Variants in MBOAT1 observed in about 807,000 individuals in gnomAD.
The protein encoded by MBOAT1 is membrane-bound glycerophospholipid O-acyltransferase 1.
In MBOAT1, 67 loss-of-function variants were observed where a neutral mutation model predicts 64.4. The ratio of observed to expected loss-of-function variants is 1.04; its 90% CI spans 0.85 to 1.27. The LOEUF (loss-of-function observed/expected upper bound fraction) is 1.27, where lower values mean the gene tolerates loss of function less well. Ranked by LOEUF, MBOAT1 falls within the 50% of genes most tolerant of loss-of-function variation. MBOAT1 has a pLI of 0.00. For missense variants in MBOAT1, 563 were observed against 604.6 expected (o/e 0.93, Z 0.72); for synonymous variants, 229 against 218.9 (o/e 1.05, Z -0.41).
Position 20,144,448 on chromosome 6 carries a change from A to G in MBOAT1, c.324-133T>C, listed in dbSNP as rs573367796. ...GTCCTATCTGGTCTGACGACATCCC[A>G]GGCCACCTTTCCACCCACTACTCTA... On this transcript the variant is annotated intron_variant, in intron 3 of 12. Transcript: ENST00000324607. 32 of 621,082 alleles carry G rather than the reference A, an allele frequency of 5.2e-5. No individual in the cohort carries two copies. The East Asian group carries it at 7.5e-4, about 15-fold the overall frequency. 38.5% of individuals were successfully genotyped at this position (621,082 alleles called of 1,614,324 possible).
rs867696964 is a variant in MBOAT1 at position 20,101,975 on chromosome 6, C to T, written c.*311G>A. 6.6e-6 allele frequency among the ~76,000 whole-genome samples: 1 copy of T among 150,732 alleles called. No homozygotes were observed. Among genetic ancestry groups the T allele is most frequent in the East Asian group, 1.9e-4 (1 of 5,144 alleles). On this transcript the variant is annotated 3_prime_UTR_variant, in exon 13 of 13. Coordinates refer to ENST00000324607, the MANE Select transcript of MBOAT1 (RefSeq NM_001080480.3). The stretch of plus-strand genomic sequence containing the variant: ...CTAAAAATACAAAAAATTAGCCGGG[C>T]GTAGTGGCGGGCGCCTGTAGTCCCA...
chr6:20,139,164 C>T (rs1236665887), intron 4 of MBOAT1, among the ~76,000 whole-genome samples: 3 of 152,176 alleles, frequency 2.0e-5, no homozygotes, highest in Non-Finnish European at 4.4e-5. Flanking sequence ...CTCACCCTGT[C>T]GCCCAGGCTG....
intron 3 of MBOAT1, among the ~76,000 whole-genome samples, chr6:20,150,179 A>C (rs1761448930): frequency 6.6e-6 from 1 of 152,220 alleles, no homozygotes. Context: ...GCTGCCTCCA[A>C]GGTAGACTTA....
chr6:20,183,826 T>C (rs764004408), intron 1 of MBOAT1, among the ~76,000 whole-genome samples: 4 of 152,230 alleles, frequency 2.6e-5, no homozygotes, highest in Non-Finnish European at 5.9e-5. Context: ...AGAGGCTGAA[T>C]TGGACTTACA....
At chr6:20,149,179 C>T (rs949791764) in intron 3 of MBOAT1, among the ~76,000 whole-genome samples, 4 of 151,838 alleles carry the variant, frequency 2.6e-5, no homozygotes. Flanking sequence ...GATGGCAGAG[C>T]CCCCTGCTAC....
intron 1 of MBOAT1, among the ~76,000 whole-genome samples, chr6:20,171,738 T>C (rs182132337): frequency 6.6e-6 from 1 of 151,580 alleles, no homozygotes; most frequent in African/African-American, 2.4e-5. Context: ...TACATCCTTA[T>C]AGAAGAAAAA....
intron 1 of MBOAT1, among the ~76,000 whole-genome samples, chr6:20,209,734 T>C (rs571574826): frequency 2.0e-5 from 3 of 152,338 alleles, no homozygotes; most frequent in African/African-American, 7.2e-5. Flanking sequence ...CAAACACGTA[T>C]CAAGGCCTGC....
chr6:20,204,032 A>G (rs965108189), intron 1 of MBOAT1, among the ~76,000 whole-genome samples: 6 of 152,236 alleles, frequency 3.9e-5, no homozygotes, highest in Non-Finnish European at 8.8e-5. Flanking sequence ...TGAATCACTA[A>G]TAAAAGACAA....
chr6:20,208,077 G>A (rs1487554021), intron 1 of MBOAT1, among the ~76,000 whole-genome samples: 1 of 152,174 alleles, frequency 6.6e-6, no homozygotes, highest in African/African-American at 2.4e-5. Flanking sequence ...ACTTAGATAA[G>A]AAGAGAACTG....
intron 1 of MBOAT1, among the ~76,000 whole-genome samples, chr6:20,192,124 GAACT>G (rs1464798080): frequency 6.6e-6 from 1 of 152,050 alleles, no homozygotes. Flanking sequence ...CCACTGATAA[GAACT>G]AACGTTTACC....
At chr6:20,154,247 G>A (rs898271520) in intron 1 of MBOAT1, among the ~76,000 whole-genome samples, 4 of 152,022 alleles carry the variant, frequency 2.6e-5, no homozygotes, top group African/African-American at 4.8e-5. Context: ...AAAGTTGACC[G>A]TTGGCCAGGC....
chr6:20,195,297 T>C (rs960721440), intron 1 of MBOAT1, among the ~76,000 whole-genome samples: 3 of 152,226 alleles, frequency 2.0e-5, no homozygotes, highest in Admixed American at 1.3e-4. Context: ...AATGCTTTTT[T>C]ACTTTGTTGC....
chr6:20,161,941 C>T (rs1436509562), intron 1 of MBOAT1, among the ~76,000 whole-genome samples: 1 of 152,122 alleles, frequency 6.6e-6, no homozygotes, highest in Non-Finnish European at 1.5e-5. Context: ...AGGCTGGTAT[C>T]TGAGATTGAG....
At chr6:20,159,425 G>A (rs1280304189) in intron 1 of MBOAT1, among the ~76,000 whole-genome samples, 1 of 152,126 alleles carries the variant, frequency 6.6e-6, no homozygotes, top group East Asian at 1.9e-4. Flanking sequence ...TAGTATAGAT[G>A]CACAATGGAA....
intron 1 of MBOAT1, among the ~76,000 whole-genome samples, chr6:20,174,362 T>C (rs1461413460): frequency 6.6e-6 from 1 of 152,204 alleles, no homozygotes; most frequent in Non-Finnish European, 1.5e-5. Context: ...CTAGGCTAGA[T>C]GATATAGCCT....
Position 20,102,244 on chromosome 6 carries a change from G to A in MBOAT1, c.*42C>T, listed in dbSNP as rs774592477. On this transcript the variant is annotated 3_prime_UTR_variant, in exon 13 of 13. Transcript: ENST00000324607. ...TTGAAGCCTTGTCATCTCATCTTTC[G>A]AACGTTCTGCAGTTTTGCTTGTTCC... 19 of 1,588,362 alleles carry A rather than the reference G, an allele frequency of 1.2e-5. No individual in the cohort carries two copies. The highest frequency in any genetic ancestry group is 4.1e-5 in the African/African-American group (3 of 73,292).
chr6:20,112,695 A>G (rs1760202918), intron 11 of MBOAT1, among the ~76,000 whole-genome samples, 181 bp downstream of exon 11: 1 of 152,196 alleles, frequency 6.6e-6, no homozygotes, highest in South Asian at 2.1e-4. Flanking sequence ...TAATGACTCC[A>G]GAGGTTCCTA....
In MBOAT1 at chr6:20,101,131, C is replaced by T. The variant is rs1759774932; in HGVS notation, c.*1155G>A. 6.6e-6 allele frequency among the ~76,000 whole-genome samples: 1 copy of T among 152,124 alleles called. No homozygotes were observed. The highest frequency in any genetic ancestry group is 2.4e-5 in the African/African-American group (1 of 41,416). On this transcript the variant is annotated 3_prime_UTR_variant, in exon 13 of 13. Coordinates refer to ENST00000324607, the MANE Select transcript of MBOAT1 (RefSeq NM_001080480.3). ...ACAACTGCTTCTTCTTACCAAACTT[C>T]TATATAACTTCAAATTACTTTAAAA...
chr6:20,116,248 C>G (rs1159107950), intron 9 of MBOAT1, among the ~76,000 whole-genome samples: 1 of 152,062 alleles, frequency 6.6e-6, no homozygotes, highest in African/African-American at 2.4e-5. Context: ...AGGCGAATTG[C>G]TTGAACCCAG....
Sources: allele counts gnomAD v4.1 joint callset (sites outside exome capture counted in the v4.1 genomes callset), GRCh38; gene constraint gnomAD v4.1.1; transcripts MANE v1.5; gene names NCBI Gene and HGNC (gene_info 2026-07-23, HGNC 2026-07-21).